Variants in TRAF6 observed in about 807,000 individuals in gnomAD.
TRAF6 encodes TNF receptor-associated factor 6.
Under a neutral mutation model 48.4 loss-of-function variants are expected in TRAF6, and 10 were observed. That is an observed-to-expected ratio of 0.21 (90% CI 0.13 to 0.35). The LOEUF (loss-of-function observed/expected upper bound fraction) is 0.35. Ranked by LOEUF, TRAF6 falls within the 10% of genes least tolerant of loss-of-function variation. TRAF6 has a pLI of 1.00. For missense variants in TRAF6, 397 were observed against 661.0 expected (o/e 0.60, Z 4.38); for synonymous variants, 186 against 219.6 (o/e 0.85, Z 1.35).
intron 1 of TRAF6, among the ~76,000 whole-genome samples, chr11:36,503,027 C>T (rs1417284293): frequency 6.6e-6 from 1 of 152,106 alleles, no homozygotes; most frequent in Non-Finnish European, 1.5e-5. Context: ...AGTAACTTAC[C>T]TAAGATTACC....
In TRAF6 at chr11:36,505,730, T is replaced by C. The variant is rs573379117; in HGVS notation, c.-22-4193A>G. 1.3e-4 allele frequency among the ~76,000 whole-genome samples: 20 copies of C among 152,342 alleles called. 1 individual carries two copies. The East Asian group carries it at 1.7e-3, about 13-fold the overall frequency. On this transcript the variant is annotated intron_variant, in intron 1 of 6. Coordinates refer to ENST00000526995, the MANE Select transcript of TRAF6 (RefSeq NM_004620.4). Reference sequence around the variant, plus strand: ...CAGTAAGCATAATTATTTCTAGCTTTTGATTTAAAGTGACAGACATGTGGC... The same window carrying C: ...CAGTAAGCATAATTATTTCTAGCTTCTGATTTAAAGTGACAGACATGTGGC...
Position 36,484,821 on chromosome 11 carries a change from G to A in TRAF6, c.*5017C>T, listed in dbSNP as rs546292348. On this transcript the variant is annotated 3_prime_UTR_variant, in exon 7 of 7. Transcript: ENST00000526995. The stretch of plus-strand genomic sequence containing the variant: ...AATTTATCAAGTGCAAAAAGAACAC[G>A]AGAATATTCTGCACAATTTATCAAG... 6.6e-6 allele frequency among the ~76,000 whole-genome samples: 1 copy of A among 152,226 alleles called. No individual in the cohort carries two copies. The highest frequency in any genetic ancestry group is 2.1e-4 in the South Asian group (1 of 4,828).
At chr11:36,491,383 CCTAA>C (rs1859561704) in intron 6 of TRAF6, among the ~76,000 whole-genome samples, 2 of 152,198 alleles carry the variant, frequency 1.3e-5, no homozygotes. Flanking sequence ...TAATATCTCA[CCTAA>C]CTTCCATTAA....
At chr11:36,500,649 G>C (rs539938067) in intron 2 of TRAF6, among the ~76,000 whole-genome samples, 10 of 152,314 alleles carry the variant, frequency 6.6e-5, no homozygotes. Flanking sequence ...AGGCCTGTTA[G>C]AGAGCTGGTG....
chr11:36,508,677 AAAC>A (rs1859843988), intron 1 of TRAF6, among the ~76,000 whole-genome samples: 1 of 152,244 alleles, frequency 6.6e-6, no homozygotes, highest in African/African-American at 2.4e-5. Context: ...CTAGCTTTAG[AAAC>A]AGAAACTGTT....
intron 1 of TRAF6, among the ~76,000 whole-genome samples, chr11:36,509,332 T>C (rs1236550316): frequency 6.6e-6 from 1 of 152,066 alleles, no homozygotes; most frequent in Admixed American, 6.5e-5. Context: ...TTAAGCCAAA[T>C]ACTAGGAACA....
At position 36,488,139 on chromosome 11, in the gene TRAF6, A is replaced by G. The variant is rs772942722; in HGVS notation, c.*1699T>C. The G allele has an allele frequency of 1.2e-4, 18 of 152,194 alleles. No homozygotes were observed. Among genetic ancestry groups the G allele is most frequent in the African/African-American group, 1.7e-4 (7 of 41,426 alleles). The allele number at this position is 152,194 out of a possible 1,614,324, so 9.4% of individuals were successfully genotyped here. ...CCTACCTAGAGGGTGGTATGCAGTG[A>G]TTCTCAGGCGCTGGTTGGAAGGCAC... is the stretch of plus-strand genomic sequence containing the variant. On this transcript the variant is annotated 3_prime_UTR_variant, in exon 7 of 7. Transcript: ENST00000526995.
In TRAF6 at chr11:36,487,981, A is replaced by G. The variant is rs1364155585; in HGVS notation, c.*1857T>C. On this transcript the variant is annotated 3_prime_UTR_variant, in exon 7 of 7. Transcript: ENST00000526995. ...CAAGCGCAAAGGAAAATAAGCCAAC[A>G]AAAAGTTTAGTATATTTCCTTCAGG... The G allele has an allele frequency of 1.3e-5, 2 of 152,248 alleles. No individual in the cohort carries two copies. The highest frequency in any genetic ancestry group is 1.5e-5 in the Non-Finnish European group (1 of 68,044). The allele number at this position is 152,248 out of a possible 1,614,324, so 9.4% of individuals were successfully genotyped here.
intron 6 of TRAF6, among the ~76,000 whole-genome samples, chr11:36,491,428 A>G (rs1859562223): frequency 6.6e-6 from 1 of 152,196 alleles, no homozygotes; most frequent in Non-Finnish European, 1.5e-5. Flanking sequence ...CTCTAAGCAC[A>G]ATACAGAATT....
At chr11:36,502,340 T>G (rs905589375) in intron 1 of TRAF6, among the ~76,000 whole-genome samples, 1 of 152,246 alleles carries the variant, frequency 6.6e-6, no homozygotes, top group Admixed American at 6.5e-5. Flanking sequence ...TGTTTGCCTA[T>G]GGAAAACTAT....
intron 5 of TRAF6, 101 bp from the exon 6 acceptor site, chr11:36,492,729 C>T (rs1859580693): frequency 3.4e-6 from 3 of 888,136 alleles, no homozygotes; most frequent in Admixed American, 2.3e-5. Flanking sequence ...TGCTTTGTAC[C>T]ACATTGGCAG....
chr11:36,501,258 G>T lies in TRAF6; in HGVS notation c.258C>A (p.Gly86=), dbSNP rs1487941388. Residue 86 remains glycine, a synonymous_variant, in exon 2 of 7, where the codon GGC becomes GGA. Coordinates refer to ENST00000526995, the MANE Select transcript of TRAF6 (RefSeq NM_004620.4). ...ALREAVQTPC[G]HRFCKACIIK... ...TGATGCAGGCTTTGCAGAACCTATGGCCGCATGGCGTTTGCACTGCTTCTC... is the reference window on the plus strand; with the variant it reads ...TGATGCAGGCTTTGCAGAACCTATGTCCGCATGGCGTTTGCACTGCTTCTC... 1 of 1,611,876 alleles carries T rather than the reference G, an allele frequency of 6.2e-7. No homozygotes were observed.
chr11:36,492,710 G>A, intron 5 of TRAF6, 82 bp from the exon 6 acceptor site: 1 of 1,055,482 alleles, frequency 9.5e-7, no homozygotes, highest in Non-Finnish European at 1.4e-6. Context: ...AAACTGTATT[G>A]TCAATGGCTG....
At chr11:36,499,654 G>T (rs1337940761) in intron 2 of TRAF6, among the ~76,000 whole-genome samples, 2 of 152,146 alleles carry the variant, frequency 1.3e-5, no homozygotes, top group Admixed American at 1.3e-4. Flanking sequence ...ATCTTGTTAA[G>T]TCAGCGCTGT....
intron 1 of TRAF6, among the ~76,000 whole-genome samples, chr11:36,506,970 T>C (rs1726393759): frequency 6.6e-6 from 1 of 151,978 alleles, no homozygotes; most frequent in African/African-American, 2.4e-5. Context: ...AAACATTTTG[T>C]CCCTTTAGTT....
intron 1 of TRAF6, among the ~76,000 whole-genome samples, chr11:36,506,884 T>C (rs1300629742): frequency 5.3e-5 from 8 of 152,116 alleles, no homozygotes; most frequent in South Asian, 2.1e-4. Context: ...TTCATGTAAC[T>C]AGACATAAAG....
At chr11:36,492,122 C>T (rs764183063) in intron 6 of TRAF6, among the ~76,000 whole-genome samples, 3 of 152,174 alleles carry the variant, frequency 2.0e-5, no homozygotes, top group South Asian at 2.1e-4. Flanking sequence ...TCTATCTTGA[C>T]GGTCATCGCC....
intron 1 of TRAF6, among the ~76,000 whole-genome samples, chr11:36,508,196 C>T (rs531990583): frequency 5.9e-5 from 9 of 151,986 alleles, no homozygotes; most frequent in Non-Finnish European, 1.2e-4. Context: ...TGGCTTTCTA[C>T]AGGAATTAAT....
rs2133661747 is a variant in TRAF6, at chr11:36,487,883, G to A, written c.*1955C>T. 1 of 152,204 alleles carries A rather than the reference G, an allele frequency of 6.6e-6. No individual in the cohort carries two copies. The highest frequency in any genetic ancestry group is 2.4e-5 in the African/African-American group (1 of 41,530). The allele number at this position is 152,204 out of a possible 1,614,324, so 9.4% of individuals were successfully genotyped here. A position where few individuals can be genotyped will look rare whatever the true frequency, so the allele number is the denominator to read the frequency against. On this transcript the variant is annotated 3_prime_UTR_variant, in exon 7 of 7. Coordinates refer to ENST00000526995, the MANE Select transcript of TRAF6 (RefSeq NM_004620.4). ...TGAGCTGGGGGCGTGGAGATTAAAT[G>A]TTTTGTGGCAACATTTAATTTTTTT...
Sources: gnomAD v4.1 joint callset for allele counts (sites outside exome capture counted in the v4.1 genomes callset) on GRCh38, gnomAD v4.1.1 for gene constraint, MANE v1.5 for transcripts, NCBI Gene and HGNC (gene_info 2026-07-23, HGNC 2026-07-21) for gene names.